SDK1: variants seen among roughly 807,000 people sequenced by gnomAD.
SDK1 encodes protein sidekick-1.
Under a neutral mutation model 245.5 loss-of-function variants are expected in SDK1, and 157 were observed. The ratio of observed to expected loss-of-function variants is 0.64; its 90% CI spans 0.56 to 0.73. SDK1 has a LOEUF of 0.73. Ranked by LOEUF, SDK1 falls within the 30% of genes least tolerant of loss-of-function variation. SDK1 has a pLI of 0.00. For synonymous variants in SDK1, 1,647 were observed against 1,278.5 expected (o/e 1.29, Z -6.15); for missense variants, 3,583 against 3,002.3 (o/e 1.19, Z -4.52).
chr7:3,399,567 C>T (rs999057215), intron 1 of SDK1, among the ~76,000 whole-genome samples: 3 of 151,930 alleles, frequency 2.0e-5, no homozygotes, highest in African/African-American at 7.3e-5. Flanking sequence ...ATTTGTTATC[C>T]CCCCAGAGTA....
chr7:4,118,890 A>G (rs1361158617), intron 25 of SDK1, among the ~76,000 whole-genome samples: 1 of 148,740 alleles, frequency 6.7e-6, no homozygotes, highest in East Asian at 1.9e-4. Flanking sequence ...CTAGAGAGGC[A>G]GAAAGTAAAT....
At chr7:3,440,595 A>G (rs1482993636) in intron 1 of SDK1, among the ~76,000 whole-genome samples, 1 of 152,222 alleles carries the variant, frequency 6.6e-6, no homozygotes, top group East Asian at 1.9e-4. Context: ...ACCACAAAGT[A>G]TAGGAGTAGT....
At chr7:3,996,351 GTTA>G (rs1784699357) in intron 14 of SDK1, among the ~76,000 whole-genome samples, 1 of 151,988 alleles carries the variant, frequency 6.6e-6, no homozygotes, top group South Asian at 2.1e-4. Flanking sequence ...TCAGAATTTT[GTTA>G]TTACTTGTCA....
At chr7:3,662,036 G>A (rs1783378487) in intron 4 of SDK1, among the ~76,000 whole-genome samples, 1 of 124,258 alleles carries the variant, frequency 8.0e-6, no homozygotes, top group African/African-American at 2.9e-5. Context: ...AGAGGCAACG[G>A]TTGTATTTTT....
At chr7:3,652,463 C>G (rs965108329) in intron 4 of SDK1, among the ~76,000 whole-genome samples, 8 of 152,326 alleles carry the variant, frequency 5.3e-5, no homozygotes, top group East Asian at 1.9e-4. Context: ...AGCTTCCACT[C>G]TAACAGGACG....
chr7:3,969,877 T>G (rs764881571), intron 11 of SDK1, among the ~76,000 whole-genome samples: 3 of 152,250 alleles, frequency 2.0e-5, no homozygotes, highest in Non-Finnish European at 4.4e-5. Flanking sequence ...AAAGAAAATC[T>G]TCCGCTTTTG....
intron 5 of SDK1, among the ~76,000 whole-genome samples, chr7:3,881,647 A>G (rs1562510298): frequency 6.6e-6 from 1 of 152,186 alleles, no homozygotes; most frequent in Non-Finnish European, 1.5e-5. Flanking sequence ...GCTGGGTCAA[A>G]TGGTATTTCT....
At chr7:3,689,461 G>C (rs1784382980) in intron 4 of SDK1, among the ~76,000 whole-genome samples, 1 of 152,182 alleles carries the variant, frequency 6.6e-6, no homozygotes, top group African/African-American at 2.4e-5. Context: ...CTGCATTCTT[G>C]ACAGACATTA....
At chr7:3,431,785 A>G (rs547344798) in intron 1 of SDK1, among the ~76,000 whole-genome samples, 1 of 152,268 alleles carries the variant, frequency 6.6e-6, no homozygotes, top group South Asian at 2.1e-4. Flanking sequence ...CATATGTAAA[A>G]TGGGATCTAC....
intron 5 of SDK1, among the ~76,000 whole-genome samples, chr7:3,939,517 A>G (rs1324947016): frequency 6.6e-6 from 1 of 152,186 alleles, no homozygotes; most frequent in East Asian, 1.9e-4. Flanking sequence ...AGTTTCCACA[A>G]TAAAGTGCAT....
At chr7:4,128,239 C>T (rs1039498583) in intron 26 of SDK1, among the ~76,000 whole-genome samples, 10 of 152,288 alleles carry the variant, frequency 6.6e-5, no homozygotes, top group African/African-American at 1.2e-4. Flanking sequence ...AGCGTGCCTC[C>T]TCCACCTTTC....
At chr7:3,823,128 C>T (rs1779687795) in intron 5 of SDK1, among the ~76,000 whole-genome samples, 3 of 152,116 alleles carry the variant, frequency 2.0e-5, no homozygotes, top group African/African-American at 7.2e-5. Flanking sequence ...CCAGTGCATG[C>T]TGTACTGTGA....
chr7:3,616,449 C>T (rs1342024104), intron 1 of SDK1, among the ~76,000 whole-genome samples: 1 of 152,196 alleles, frequency 6.6e-6, no homozygotes, highest in African/African-American at 2.4e-5. Flanking sequence ...TTGCTGTTCA[C>T]TCTTTCGTAC....
chr7:3,721,952 C>G (rs1260737513), intron 4 of SDK1, among the ~76,000 whole-genome samples: 1 of 152,098 alleles, frequency 6.6e-6, no homozygotes, highest in African/African-American at 2.4e-5. Context: ...CTTTCCTTTC[C>G]TTTCTGACAA....
chr7:3,771,615 C>T (rs906117642), intron 4 of SDK1, among the ~76,000 whole-genome samples: 1 of 152,166 alleles, frequency 6.6e-6, no homozygotes, highest in East Asian at 1.9e-4. Context: ...AGCCATCCAT[C>T]ATGGAAAGAA....
At chr7:4,188,590 C>G (rs1002175520) in intron 35 of SDK1, among the ~76,000 whole-genome samples, 6 of 151,670 alleles carry the variant, frequency 4.0e-5, no homozygotes, top group Non-Finnish European at 8.8e-5. Context: ...TGAGGCATCT[C>G]TCCTTCCCAT....
intron 1 of SDK1, among the ~76,000 whole-genome samples, chr7:3,583,432 C>T (rs2128633389): frequency 6.6e-6 from 1 of 152,216 alleles, no homozygotes; most frequent in South Asian, 2.1e-4. Flanking sequence ...AGTATTAGAA[C>T]ACAAGGAGAG....
At chr7:3,632,499 G>A (rs946327933) in intron 2 of SDK1, among the ~76,000 whole-genome samples, 1 of 152,080 alleles carries the variant, frequency 6.6e-6, no homozygotes, top group African/African-American at 2.4e-5. Flanking sequence ...TACCAGGAGA[G>A]CTTATATTCA....
At chr7:3,902,857 C>T (rs1312652753) in intron 5 of SDK1, among the ~76,000 whole-genome samples, 2 of 134,782 alleles carry the variant, frequency 1.5e-5, no homozygotes, top group African/African-American at 3.4e-5. Context: ...CACAGAATGA[C>T]AGAAAAAATT....
Sources: allele counts gnomAD v4.1 joint callset (sites outside exome capture counted in the v4.1 genomes callset), GRCh38; gene constraint gnomAD v4.1.1; transcripts MANE v1.5; gene names NCBI Gene and HGNC (gene_info 2026-07-23, HGNC 2026-07-21).